Variants in STRN3 observed in about 807,000 individuals in gnomAD.
The protein encoded by STRN3 is striatin 3, also known as striatin-3.
Under a neutral mutation model 95.6 loss-of-function variants are expected in STRN3, and 29 were observed. That is an observed-to-expected ratio of 0.30 (90% CI 0.23 to 0.41). The LOEUF is 0.41. Among genes scored for constraint, STRN3 ranks in the 10% least tolerant of loss-of-function variants. The probability of loss-of-function intolerance (pLI) is 1.00; values close to 1 mark genes in which losing one functional copy is unlikely to be tolerated. For missense variants in STRN3, 890 were observed against 972.1 expected (o/e 0.92, Z 1.12); for synonymous variants, 331 against 357.6 (o/e 0.93, Z 0.84).
chr14:30,959,952 GATTTA>G (rs1322177369), intron 1 of STRN3, among the ~76,000 whole-genome samples: 1 of 152,154 alleles, frequency 6.6e-6, no homozygotes, highest in Admixed American at 6.5e-5. Flanking sequence ...TTGACTGACA[GATTTA>G]ATTTCAATCA....
intron 13 of STRN3, among the ~76,000 whole-genome samples, chr14:30,909,780 A>C (rs903820218): frequency 6.6e-6 from 1 of 152,198 alleles, no homozygotes; most frequent in Non-Finnish European, 1.5e-5. Flanking sequence ...GTCCAGCCTG[A>C]ACTGTATACT....
At chr14:30,906,009 G>A (rs888985037) in intron 14 of STRN3, among the ~76,000 whole-genome samples, 3 of 152,144 alleles carry the variant, frequency 2.0e-5, no homozygotes, top group Non-Finnish European at 4.4e-5. Flanking sequence ...CAGATTTTTG[G>A]ACTCATGAAA....
intron 8 of STRN3, among the ~76,000 whole-genome samples, chr14:30,920,146 C>T (rs1395198789): frequency 1.3e-5 from 2 of 152,084 alleles, no homozygotes; most frequent in Non-Finnish European, 2.9e-5. Context: ...ATCTATGTAT[C>T]CTTAACAAAA....
chr14:30,981,726 A>G (rs753573980), intron 1 of STRN3, among the ~76,000 whole-genome samples: 1 of 152,170 alleles, frequency 6.6e-6, no homozygotes, highest in African/African-American at 2.4e-5. Flanking sequence ...TTCAAAGAGG[A>G]TGGATAAACA....
intron 1 of STRN3, among the ~76,000 whole-genome samples, chr14:31,012,953 C>T (rs1307311324): frequency 1.3e-5 from 2 of 151,122 alleles, no homozygotes; most frequent in Admixed American, 6.6e-5. Context: ...GATCTCTCAA[C>T]ATGTGAAATG....
intron 1 of STRN3, among the ~76,000 whole-genome samples, chr14:30,958,087 A>G (rs1344077710): frequency 6.6e-6 from 1 of 152,210 alleles, no homozygotes; most frequent in East Asian, 1.9e-4. Flanking sequence ...AACACCTGAG[A>G]AGCTATAAAC....
intron 1 of STRN3, among the ~76,000 whole-genome samples, chr14:31,007,435 A>T (rs913363229): frequency 6.6e-6 from 1 of 152,236 alleles, no homozygotes; most frequent in Non-Finnish European, 1.5e-5. Flanking sequence ...TAGGCAAATT[A>T]AAAAAGGAGG....
At chr14:30,937,945 C>T (rs1039174224) in intron 5 of STRN3, among the ~76,000 whole-genome samples, 1 of 152,084 alleles carries the variant, frequency 6.6e-6, no homozygotes, top group Non-Finnish European at 1.5e-5. Flanking sequence ...GCATACATAC[C>T]TCCCTATCAT....
chr14:31,002,700 T>C (rs950398868), intron 1 of STRN3, among the ~76,000 whole-genome samples: 1 of 151,396 alleles, frequency 6.6e-6, no homozygotes, highest in Non-Finnish European at 1.5e-5. Flanking sequence ...GGATGAACCT[T>C]AAGGACACAA....
chr14:30,975,836 TAAA>T (rs528570710), intron 1 of STRN3, among the ~76,000 whole-genome samples: 12 of 113,120 alleles, frequency 1.1e-4, no homozygotes, highest in Middle Eastern at 5.0e-3. Flanking sequence ...CCTGGCTCTT[TAAA>T]AAAAAAAAAA....
At chr14:30,931,406 A>G (rs1566442309) in intron 7 of STRN3, among the ~76,000 whole-genome samples, 2 of 152,214 alleles carry the variant, frequency 1.3e-5, no homozygotes, top group Non-Finnish European at 2.9e-5. Context: ...GAAAACACAA[A>G]TATGCGTAAG....
chr14:30,908,818 T>C (rs1896534180), intron 13 of STRN3, among the ~76,000 whole-genome samples: 1 of 152,174 alleles, frequency 6.6e-6, no homozygotes, highest in South Asian at 2.1e-4. Context: ...CACCAAACAA[T>C]ACACTCCCCC....
chr14:30,899,998 A>G (rs1213702200), intron 16 of STRN3, among the ~76,000 whole-genome samples: 1 of 152,164 alleles, frequency 6.6e-6, no homozygotes, highest in African/African-American at 2.4e-5. Context: ...GCTAACCGGA[A>G]ACAGCAGTTA....
At chr14:30,990,665 G>A (rs184621484) in intron 1 of STRN3, among the ~76,000 whole-genome samples, 11 of 152,174 alleles carry the variant, frequency 7.2e-5, no homozygotes, top group Admixed American at 2.0e-4. Context: ...TATCTGTGAG[G>A]GAGCGGTTTC....
At chr14:30,924,532 T>A (rs965713474) in intron 8 of STRN3, among the ~76,000 whole-genome samples, 6 of 152,172 alleles carry the variant, frequency 3.9e-5, no homozygotes, top group Admixed American at 1.3e-4. Flanking sequence ...CCTCAGGTGA[T>A]CTGCCCGCCT....
At chr14:30,945,086 C>T (rs958938251) in intron 5 of STRN3, among the ~76,000 whole-genome samples, 3 of 152,058 alleles carry the variant, frequency 2.0e-5, no homozygotes, top group East Asian at 3.9e-4. Context: ...CTCAGGGTAA[C>T]GTCTCATGGT....
intron 9 of STRN3, among the ~76,000 whole-genome samples, chr14:30,914,771 T>G (rs559179637): frequency 6.6e-6 from 1 of 152,236 alleles, no homozygotes; most frequent in South Asian, 2.1e-4. Flanking sequence ...CTGATCAGAT[T>G]TGCCATTTCA....
chr14:30,995,814 G>C (rs1882168990), intron 1 of STRN3, among the ~76,000 whole-genome samples: 1 of 152,196 alleles, frequency 6.6e-6, no homozygotes, highest in South Asian at 2.1e-4. Context: ...AGCAGACACT[G>C]ATGTGCTGCC....
At chr14:30,901,394 TC>T (rs1217444704) in intron 16 of STRN3, among the ~76,000 whole-genome samples, 26 of 152,300 alleles carry the variant, frequency 1.7e-4, no homozygotes, top group African/African-American at 5.5e-4. Flanking sequence ...TTAAAAAGAA[TC>T]TGTCCATGAA....
Sources: allele counts gnomAD v4.1 joint callset (sites outside exome capture counted in the v4.1 genomes callset), GRCh38; gene constraint gnomAD v4.1.1; transcripts MANE v1.5; gene names NCBI Gene and HGNC (gene_info 2026-07-23, HGNC 2026-07-21).